SCLY: variants seen among roughly 807,000 people sequenced by gnomAD.
SCLY encodes the protein selenocysteine lyase.
SCLY carries 38 observed loss-of-function variants against 50.1 expected under a neutral mutation model. That is an observed-to-expected ratio of 0.76 (90% CI 0.59 to 0.99). The LOEUF is 0.99. SCLY is among the 50% of genes least tolerant of loss of function. The pLI, the probability that SCLY is intolerant of heterozygous loss-of-function variation, is 0.00. For synonymous variants in SCLY, 243 were observed against 249.4 expected, an observed-to-expected ratio of 0.97 and a Z score of 0.24; for missense variants, 600 against 620.0, an observed-to-expected ratio of 0.97 and a Z score of 0.34.
intron 7 of SCLY, among the ~76,000 whole-genome samples, chr2:238,089,165 A>G (rs1267568467): frequency 6.6e-6 from 1 of 152,202 alleles, no homozygotes; most frequent in Non-Finnish European, 1.5e-5. Flanking sequence ...AATACCATTT[A>G]CAATGAAACA....
chr2:238,068,119 TA>T lies in SCLY; in HGVS notation c.258del (p.Ile86MetfsTer8), dbSNP rs757196887. On this transcript the variant is annotated frameshift_variant, in exon 3 of 12. Coordinates refer to ENST00000254663, the MANE Select transcript of SCLY (RefSeq NM_016510.7). LOFTEE classifies it high-confidence loss of function. ...NAARESLAKM[I>X]GGKPQDIIFT... ...GCTCGGGAAAGCCTCGCGAAGATGATAGGGGGGAAACCTCAAGATATAATCT... is the reference window on the plus strand; with the variant it reads ...GCTCGGGAAAGCCTCGCGAAGATGATGGGGGGAAACCTCAAGATATAATCT... The T allele has an allele frequency of 7.8e-5, 125 of 1,611,788 alleles. 1 individual carries two copies. The highest frequency in any genetic ancestry group is 3.1e-4 in the South Asian group (28 of 90,356).
At chr2:238,095,277 C>T (rs1411081829) in intron 10 of SCLY, among the ~76,000 whole-genome samples, 1 of 152,144 alleles carries the variant, frequency 6.6e-6, no homozygotes, top group Non-Finnish European at 1.5e-5. Flanking sequence ...ACATCTGCCT[C>T]GGCTAGGAGC....
chr2:238,068,676 C>T (rs941549174), intron 3 of SCLY, among the ~76,000 whole-genome samples: 1 of 152,204 alleles, frequency 6.6e-6, no homozygotes, highest in African/African-American at 2.4e-5. Flanking sequence ...AAGTAACCTG[C>T]TTTGCATTGT....
At position 238,069,682 on chromosome 2, in the gene SCLY, C is replaced by G; in HGVS notation, c.484+205C>G. On this transcript the variant is annotated intron_variant, in intron 4 of 11. Coordinates refer to ENST00000254663, the MANE Select transcript of SCLY (RefSeq NM_016510.7). This position sits in a 1 kb window ranked among gnomAD's most constrained non-coding sequence, Gnocchi z 5.0. ...TCACTGCACTGGGCTCCCTGGCTGC[C>G]CCTCTCGGTGCAGAGGCCAGCTGCC... The G allele has an allele frequency of 2.1e-6, 1 of 481,636 alleles. No homozygotes were observed. Among genetic ancestry groups the G allele is most frequent in the Non-Finnish European group, 3.6e-6 (1 of 280,978 alleles). The allele number at this position is 481,636 out of a possible 1,614,324, so 29.8% of individuals were successfully genotyped here.
At position 238,098,419 on chromosome 2, in the gene SCLY, C is replaced by T; in HGVS notation, c.*64C>T. On this transcript the variant is annotated 3_prime_UTR_variant, in exon 12 of 12. Transcript: ENST00000254663. ...CGTGGCAGGGCACAGGGTTGTCCCT[C>T]CAGTTCCCTCCTGAGGGCTGTGCCA... 1 of 1,482,152 alleles carries T rather than the reference C, an allele frequency of 6.7e-7. No individual in the cohort carries two copies. Among genetic ancestry groups the T allele is most frequent in the Non-Finnish European group, 9.0e-7 (1 of 1,110,068 alleles). The allele number at this position is 1,482,152 out of a possible 1,614,324, so 91.8% of individuals were successfully genotyped here. A position where few individuals can be genotyped will look rare whatever the true frequency, so the allele number is the denominator to read the frequency against.
At chr2:238,088,546 G>A (rs1163145366) in intron 7 of SCLY, among the ~76,000 whole-genome samples, 1 of 152,238 alleles carries the variant, frequency 6.6e-6, no homozygotes, top group African/African-American at 2.4e-5. Context: ...GGGATGCCAA[G>A]GCGAGAGGAT....
chr2:238,087,676 A>T (rs1355663529), intron 7 of SCLY, among the ~76,000 whole-genome samples: 1 of 141,786 alleles, frequency 7.1e-6, no homozygotes, highest in South Asian at 2.3e-4. Flanking sequence ...TATTATCCTG[A>T]CACTAAAACC....
rs1347803845 is a variant in SCLY, at chr2:238,066,024, G to A, written c.202+1555G>A. Among the ~76,000 whole-genome samples the A allele has an allele frequency of 1.3e-5, 2 of 152,152 alleles. No individual in the cohort carries two copies. The highest frequency in any genetic ancestry group is 4.8e-5 in the African/African-American group (2 of 41,428). Reference sequence around the variant, plus strand: ...AAATTTATTTTAAGGAATATGTTGAGGATGTGGGGATTTTACATACCTAAG... The same window carrying A: ...AAATTTATTTTAAGGAATATGTTGAAGATGTGGGGATTTTACATACCTAAG... On this transcript the variant is annotated intron_variant, in intron 2 of 11. Coordinates refer to ENST00000254663, the MANE Select transcript of SCLY (RefSeq NM_016510.7). The surrounding 1 kb of genome is among the most constrained non-coding windows in gnomAD (Gnocchi z 4.1).
intron 3 of SCLY, among the ~76,000 whole-genome samples, chr2:238,068,447 G>A (rs1376795642): frequency 6.6e-6 from 1 of 152,046 alleles, no homozygotes; most frequent in Admixed American, 6.5e-5. Flanking sequence ...TACTAGGGAA[G>A]CTGAGGTGGC....
intron 3 of SCLY, among the ~76,000 whole-genome samples, chr2:238,068,498 A>G (rs995840216): frequency 6.6e-6 from 1 of 152,182 alleles, no homozygotes; most frequent in Admixed American, 6.5e-5. Context: ...GCAGTGAGCT[A>G]TGATCACGCT....
At position 238,098,495 on chromosome 2, in the gene SCLY, T is replaced by C. The variant is rs1374366420; in HGVS notation, c.*140T>C. On this transcript the variant is annotated 3_prime_UTR_variant, in exon 12 of 12. Coordinates refer to ENST00000254663, the MANE Select transcript of SCLY (RefSeq NM_016510.7). ...CATTTTGTCCTGGAGTGCCAGCGAG[T>C]GTGCACCCCCAGTTTCCTTCCCTGG... 1 of 978,832 alleles carries C rather than the reference T, an allele frequency of 1.0e-6. No individual in the cohort carries two copies. Among genetic ancestry groups the C allele is most frequent in the Non-Finnish European group, 1.5e-6 (1 of 686,674 alleles). 60.6% of individuals were successfully genotyped at this position (978,832 alleles called of 1,614,324 possible).
chr2:238,065,630 ATAT>A (rs2065061274), intron 2 of SCLY, among the ~76,000 whole-genome samples: 1 of 149,636 alleles, frequency 6.7e-6, no homozygotes. Flanking sequence ...TATTTTCACA[ATAT>A]TGTTATTTAA....
chr2:238,087,954 T>C (rs1010959944), intron 7 of SCLY, among the ~76,000 whole-genome samples: 3 of 152,044 alleles, frequency 2.0e-5, no homozygotes, highest in Non-Finnish European at 4.4e-5. Flanking sequence ...TAACTGGGCA[T>C]GGTGGTACAT....
Position 238,098,535 on chromosome 2 carries a change from C to T in SCLY, c.*180C>T. The T allele has an allele frequency of 3.2e-6, 2 of 625,398 alleles. No individual in the cohort carries two copies. The highest frequency in any genetic ancestry group is 4.8e-6 in the Non-Finnish European group (2 of 415,774). The allele number at this position is 625,398 out of a possible 1,614,324, so 38.7% of individuals were successfully genotyped here. ...TCCTTCCCTGGACCCCTGCAGAGCTCACAGGGCCCAGGACACCAACGCCGC... is the reference window on the plus strand; with the variant it reads ...TCCTTCCCTGGACCCCTGCAGAGCTTACAGGGCCCAGGACACCAACGCCGC... On this transcript the variant is annotated 3_prime_UTR_variant, in exon 12 of 12. Coordinates refer to ENST00000254663, the MANE Select transcript of SCLY (RefSeq NM_016510.7).
chr2:238,080,411 C>T (rs1015337632), intron 4 of SCLY: 3 of 152,216 alleles, frequency 2.0e-5, no homozygotes, highest in South Asian at 2.1e-4. Flanking sequence ...TGAAGCATTT[C>T]GTTGTTTGAT....
chr2:238,074,489 A>T (rs376729116), intron 4 of SCLY, among the ~76,000 whole-genome samples: 52 of 151,990 alleles, frequency 3.4e-4, no homozygotes, highest in Middle Eastern at 3.4e-3. Context: ...AGTTTAGTTT[A>T]GTTTTGTTTT....
At chr2:238,063,215 A>G (rs1210695006) in intron 1 of SCLY, among the ~76,000 whole-genome samples, 1 of 151,360 alleles carries the variant, frequency 6.6e-6, no homozygotes, top group Non-Finnish European at 1.5e-5. Context: ...AGGTAGGGAC[A>G]TAGGTGGCTG....
Position 238,082,204 on chromosome 2 carries a change from C to T in SCLY, c.772C>T (p.His258Tyr). Residue 258 changes from histidine to tyrosine, a missense_variant, in exon 6 of 12, where the codon CAC becomes TAC. By Grantham distance (83) the His-to-Tyr change is moderately conservative. Coordinates refer to ENST00000254663, the MANE Select transcript of SCLY (RefSeq NM_016510.7). ...CGTGGACTTCCTTACAATCGTGGGGCACAAGGTAAGTCTGCAGAGGCTTCC... is the reference window on the plus strand; with the variant it reads ...CGTGGACTTCCTTACAATCGTGGGGTACAAGGTAAGTCTGCAGAGGCTTCC... ...LGVDFLTIVG[H>Y]KFYGPRIGAL... 2 of 1,604,132 alleles carry T rather than the reference C, an allele frequency of 1.2e-6. No homozygotes were observed. Among genetic ancestry groups the T allele is most frequent in the Non-Finnish European group, 8.5e-7 (1 of 1,175,314 alleles).
At chr2:238,091,438 A>T in intron 8 of SCLY, 184 bp downstream of exon 8, 1 of 652,172 alleles carries the variant, frequency 1.5e-6, no homozygotes, top group Non-Finnish European at 2.8e-6. Flanking sequence ...TCTGTGGATT[A>T]GTGGCACTTG....
Sources: gnomAD v4.1 joint callset for allele counts (sites outside exome capture counted in the v4.1 genomes callset) on GRCh38, gnomAD v4.1.1 for gene constraint, Gnocchi (gnomAD v3.1) non-coding constraint, MANE v1.5 for transcripts, NCBI Gene and HGNC (gene_info 2026-07-23, HGNC 2026-07-21) for gene names.